PCDHA1: variants seen among roughly 807,000 people sequenced by gnomAD.
PCDHA1 encodes protocadherin alpha-1.
PCDHA1 carries 42 observed loss-of-function variants against 61.3 expected under a neutral mutation model. That is an observed-to-expected ratio of 0.69 (90% CI 0.54 to 0.89). The LOEUF is 0.89. PCDHA1 is among the 40% of genes least tolerant of loss of function. The pLI, the probability that PCDHA1 is intolerant of heterozygous loss-of-function variation, is 0.00. For synonymous variants in PCDHA1, 610 were observed against 553.8 expected, an observed-to-expected ratio of 1.10 and a Z score of -1.43; for missense variants, 1,256 against 1,235.3, an observed-to-expected ratio of 1.02 and a Z score of -0.25.
chr5:140,883,771 G>A (rs782418376), intron 1 of PCDHA1: 11 of 1,612,346 alleles, frequency 6.8e-6, no homozygotes, highest in African/African-American at 1.3e-5. Context: ...GGGTGGGCGA[G>A]CGTGCGCTGT....
At chr5:140,857,412 C>G (rs782751627) in intron 1 of PCDHA1, 1 of 1,598,338 alleles carries the variant, frequency 6.3e-7, no homozygotes, top group Admixed American at 1.7e-5. Context: ...CCTGCGTTCG[C>G]GCAGTCCGAG....
chr5:140,836,346 G>A, intron 1 of PCDHA1: 2 of 1,613,696 alleles, frequency 1.2e-6, no homozygotes, highest in Admixed American at 1.7e-5. Context: ...GAAGGACCAC[G>A]GGGAGCCCTC....
chr5:140,856,308 C>G, intron 1 of PCDHA1: 1 of 1,598,620 alleles, frequency 6.3e-7, no homozygotes, highest in Non-Finnish European at 8.6e-7. Context: ...TTTGTGAATT[C>G]TCGGATTGAC....
chr5:140,872,347 C>T (rs556222685), intron 1 of PCDHA1, among the ~76,000 whole-genome samples: 44 of 152,200 alleles, frequency 2.9e-4, no homozygotes, highest in African/African-American at 1.0e-3. Context: ...CATGTTCTTG[C>T]CAGGCAAAGT....
intron 1 of PCDHA1, chr5:140,835,737 G>A: frequency 6.2e-7 from 1 of 1,613,716 alleles, no homozygotes; most frequent in Non-Finnish European, 8.5e-7. Flanking sequence ...GAACGACAAC[G>A]CCCCGGCGTT....
intron 3 of PCDHA1, among the ~76,000 whole-genome samples, chr5:141,007,208 A>G (rs1056049066): frequency 5.3e-5 from 8 of 152,060 alleles, no homozygotes; most frequent in African/African-American, 1.9e-4. Context: ...GGGCCAGAAT[A>G]TGCTGTCCCA....
chr5:140,856,231 C>G, intron 1 of PCDHA1: 1 of 1,597,900 alleles, frequency 6.3e-7, no homozygotes. Flanking sequence ...TGGTGCAGCG[C>G]CTGTTCCGGG....
chr5:140,815,673 C>A (rs2126666211), intron 1 of PCDHA1: 1 of 152,054 alleles, frequency 6.6e-6, no homozygotes, highest in Non-Finnish European at 1.5e-5. Flanking sequence ...TACTAGTGAG[C>A]TTTATACTTT....
At chr5:140,810,567 AT>A (rs1764684632) in intron 1 of PCDHA1, 1 of 152,250 alleles carries the variant, frequency 6.6e-6, no homozygotes, top group Admixed American at 6.5e-5. Flanking sequence ...TTATATTTAA[AT>A]GAAGTTGAGT....
chr5:140,907,360 T>C (rs1241355980), intron 1 of PCDHA1, among the ~76,000 whole-genome samples: 1 of 152,186 alleles, frequency 6.6e-6, no homozygotes, highest in Admixed American at 6.5e-5. Flanking sequence ...TGCACTTCTT[T>C]AGTCGTAAAG....
chr5:140,798,229 A>G (rs1271267483), intron 1 of PCDHA1, among the ~76,000 whole-genome samples: 1 of 152,174 alleles, frequency 6.6e-6, no homozygotes, highest in Non-Finnish European at 1.5e-5. Flanking sequence ...AATTTCCAAA[A>G]GTATGTAGCA....
intron 1 of PCDHA1, among the ~76,000 whole-genome samples, chr5:140,921,151 ATT>A (rs11299094): frequency 0.33 from 49,606 of 151,532 alleles, 8,413 homozygotes; most frequent in East Asian, 0.53. Flanking sequence ...CAGCTAATGC[ATT>A]TTTTTTTTAA....
At chr5:140,989,413 T>G (rs1234033175) in intron 3 of PCDHA1, among the ~76,000 whole-genome samples, 3 of 152,172 alleles carry the variant, frequency 2.0e-5, no homozygotes, top group Non-Finnish European at 4.4e-5. Context: ...GAGTCTGCAC[T>G]TCACTCTGTG....
chr5:140,808,421 G>C, intron 1 of PCDHA1: 1 of 1,614,156 alleles, frequency 6.2e-7, no homozygotes, highest in Non-Finnish European at 8.5e-7. Flanking sequence ...GCTGGACAGT[G>C]CCCTGGACCG....
At chr5:140,828,181 G>A (rs2150151926) in intron 1 of PCDHA1, 12 of 1,614,058 alleles carry the variant, frequency 7.4e-6, no homozygotes, top group Non-Finnish European at 9.3e-6. Flanking sequence ...GGAGCGGCCA[G>A]CTCCACTACT....
chr5:140,966,922 G>A (rs782206344), intron 1 of PCDHA1: 5 of 1,603,072 alleles, frequency 3.1e-6, no homozygotes, highest in Non-Finnish European at 4.2e-6. Context: ...CAGAGGAGCA[G>A]GCACCCGGCG....
chr5:140,931,716 T>G (rs1205500293), intron 1 of PCDHA1, among the ~76,000 whole-genome samples: 5 of 151,962 alleles, frequency 3.3e-5, no homozygotes, highest in Admixed American at 3.3e-4. Context: ...TAAAATAACT[T>G]CTATAAATAT....
chr5:140,828,210 A>G (rs200919454), intron 1 of PCDHA1: 5 of 1,613,938 alleles, frequency 3.1e-6, no homozygotes, highest in Non-Finnish European at 3.4e-6. Flanking sequence ...GAGGAGGCCA[A>G]ACACGGCACC....
chr5:140,830,147 G>C, intron 1 of PCDHA1: 1 of 1,613,286 alleles, frequency 6.2e-7, no homozygotes, highest in Non-Finnish European at 8.5e-7. Flanking sequence ...GTCGGTGGGC[G>C]CCGCGGGCCC....
Sources: allele counts gnomAD v4.1 joint callset (sites outside exome capture counted in the v4.1 genomes callset), GRCh38; gene constraint gnomAD v4.1.1; transcripts MANE v1.5; gene names NCBI Gene and HGNC (gene_info 2026-07-23, HGNC 2026-07-21).